ZNFX1: variants seen among roughly 807,000 people sequenced by gnomAD.
ZNFX1 encodes the protein NFX1-type zinc finger-containing protein 1.
In ZNFX1, 78 loss-of-function variants were observed where a neutral mutation model predicts 179.8. The ratio of observed to expected loss-of-function variants is 0.43; its 90% CI spans 0.36 to 0.52. The LOEUF (loss-of-function observed/expected upper bound fraction) is 0.52, where lower values mean the gene tolerates loss of function less well. Ranked by LOEUF, ZNFX1 falls within the 20% of genes least tolerant of loss-of-function variation. The pLI is 0.00. For synonymous variants in ZNFX1, 848 were observed against 868.5 expected (o/e 0.98, Z 0.42); for missense variants, 1,927 against 2,386.6 (o/e 0.81, Z 4.01).
chr20:49,247,656 T>C lies in ZNFX1; in HGVS notation c.5368A>G (p.Ser1790Gly), dbSNP rs1980713056. Residue 1790 changes from serine (S) to glycine (G), a missense_variant, in exon 14 of 14, where the codon AGT (serine) becomes GGT (glycine). By Grantham distance (56) the Ser-to-Gly change is moderately conservative. Coordinates refer to ENST00000396105, the MANE Select transcript of ZNFX1 (RefSeq NM_021035.3). ...VKDSIAVEVYSVQNILEKTCK... is the reference protein window; with the variant it reads ...VKDSIAVEVYGVQNILEKTCK... Reference sequence around the variant, plus strand: ...GTTTTCTCAAGGATATTCTGGACACTATAGACCTCTACTGCTATGCTATCT... The same window carrying C: ...GTTTTCTCAAGGATATTCTGGACACCATAGACCTCTACTGCTATGCTATCT... The C allele has an allele frequency of 1.2e-6, 2 of 1,614,126 alleles. No individual in the cohort carries two copies. The highest frequency in any genetic ancestry group is 1.3e-5 in the African/African-American group (1 of 74,946).
At chr20:49,260,347 C>T in intron 7 of ZNFX1, 116 bp downstream of exon 7, 3 of 495,334 alleles carry the variant, frequency 6.1e-6, no homozygotes, top group Non-Finnish European at 1.0e-5. Flanking sequence ...ATTTGTCTTT[C>T]TCTGATTGAC....
At chr20:49,274,629 G>A (rs574330267) in intron 2 of ZNFX1, among the ~76,000 whole-genome samples, 1 of 152,200 alleles carries the variant, frequency 6.6e-6, no homozygotes, top group East Asian at 1.9e-4. Flanking sequence ...CATGGTGGCA[G>A]GCACCTGTAA....
At chr20:49,263,289 T>C (rs781097321) in intron 6 of ZNFX1, 45 bp downstream of exon 6, 2 of 1,600,532 alleles carry the variant, frequency 1.2e-6, no homozygotes, top group Non-Finnish European at 8.5e-7. Context: ...TACCTCAAAG[T>C]ACTGAGGCCA....
intron 1 of ZNFX1, 29 bp from the exon 2 acceptor site, chr20:49,275,916 G>A (rs1241405020): frequency 2.5e-5 from 37 of 1,495,872 alleles, no homozygotes; most frequent in South Asian, 3.4e-5. Flanking sequence ...CAGTGTCCTC[G>A]AAACATAGCA....
At chr20:49,262,472 A>G (rs758185981) in intron 6 of ZNFX1, among the ~76,000 whole-genome samples, 11 of 152,116 alleles carry the variant, frequency 7.2e-5, no homozygotes, top group Non-Finnish European at 1.5e-4. Context: ...TTTTGACAAA[A>G]TCAGGAGCTA....
intron 6 of ZNFX1, among the ~76,000 whole-genome samples, chr20:49,262,500 T>TGGCA (rs751824841): frequency 1.2e-4 from 19 of 152,158 alleles, no homozygotes; most frequent in Non-Finnish European, 2.4e-4. Context: ...AATGACTGTT[T>TGGCA]ATTACTGAAT....
In ZNFX1 at chr20:49,263,342, G is replaced by C. The variant is rs1349953958; in HGVS notation, c.2293C>G (p.Pro765Ala). The change falls in exon 6 of 14, where the codon CCA (proline) becomes GCA (alanine). Residue 765 changes from proline (P) to alanine (A), a missense_variant. Physicochemically the swap from Pro to Ala is conservative, Grantham distance 27. Coordinates refer to ENST00000396105, the MANE Select transcript of ZNFX1 (RefSeq NM_021035.3). ...PQHWESLMNG[P>A]VQDSEWICFQ... The stretch of plus-strand genomic sequence containing the variant: ...CCCAGGATGACCCCTACCTGCACTG[G>C]TCCATTCATGAGACTTTCCCAGTGC... The C allele has an allele frequency of 4.5e-5, 72 of 1,613,136 alleles. No individual in the cohort carries two copies. The highest frequency in any genetic ancestry group is 5.8e-5 in the Non-Finnish European group (69 of 1,180,018).
At chr20:49,262,427 A>G (rs866141563) in intron 6 of ZNFX1, among the ~76,000 whole-genome samples, 26 of 144,032 alleles carry the variant, frequency 1.8e-4, no homozygotes, top group African/African-American at 5.0e-4. Context: ...AAAAAGAAGA[A>G]AAAAAAAAAA....
At position 49,249,478 on chromosome 20, in the gene ZNFX1, A is replaced by G. The variant is rs570053296; in HGVS notation, c.3546T>C (p.His1182=). ...CTTCCCCTTGGTATTTGTCCACAAC[A>G]TGGACCCTGACGCCAGCAAATGTCT... The part of the protein sequence containing the change: ...PAKTFAGVRV[H]VVDKYQGEEN... Residue 1182 remains histidine, a synonymous_variant, in exon 14 of 14, where the codon CAT becomes CAC. Coordinates refer to ENST00000396105, the MANE Select transcript of ZNFX1 (RefSeq NM_021035.3). 18 of 1,614,252 alleles carry G rather than the reference A, an allele frequency of 1.1e-5. No homozygotes were observed. In the African/African-American group the frequency reaches 1.9e-4, roughly 17 times the overall value.
intron 1 of ZNFX1, among the ~76,000 whole-genome samples, chr20:49,276,930 G>A (rs1360249902): frequency 6.6e-6 from 1 of 151,960 alleles, no homozygotes. Context: ...AATTCTCCGA[G>A]GGGAAAATTC....
rs951032824 is a variant in ZNFX1, at chr20:49,246,538, T to C, written c.*729A>G. 1 of 210,220 alleles carries C rather than the reference T, an allele frequency of 4.8e-6. No homozygotes were observed. Among genetic ancestry groups the C allele is most frequent in the Non-Finnish European group, 9.7e-6 (1 of 102,808 alleles). 13.0% of individuals were successfully genotyped at this position (210,220 alleles called of 1,614,324 possible). A position where few individuals can be genotyped will look rare whatever the true frequency, so the allele number is the denominator to read the frequency against. On this transcript the variant is annotated 3_prime_UTR_variant, in exon 14 of 14. Transcript: ENST00000396105. The stretch of plus-strand genomic sequence containing the variant: ...CAGTTCATAAACAACTATGGGCCTC[T>C]GTTTATTATGAGAGTTAGTCTGCAA...
chr20:49,263,474 G>A lies in ZNFX1; in HGVS notation c.2161C>T (p.Gln721Ter). 6.3e-7 allele frequency: 1 copy of A among 1,583,328 alleles called. No individual in the cohort carries two copies. The highest frequency in any genetic ancestry group is 1.1e-5 in the South Asian group (1 of 87,514). The part of the protein sequence containing the change: ...LRRAYMSIMT[Q>*]MKESEQELHE... ...AGCTCTTGCTCTGACTCCTTCATCT[G>A]TGTCATGATCTTCCAAGAACAGAGG... is the stretch of plus-strand genomic sequence containing the variant. The change falls in exon 6 of 14, where the codon CAG becomes TAG. Residue 721 changes from glutamine (Q) to a stop codon, truncating the protein, a stop_gained. Coordinates refer to ENST00000396105, the MANE Select transcript of ZNFX1 (RefSeq NM_021035.3). LOFTEE classifies it high-confidence loss of function.
rs1981386784 is a variant in ZNFX1 at position 49,271,313 on chromosome 20, T to C, written c.499A>G (p.Ser167Gly). The C allele has an allele frequency of 3.7e-6, 6 of 1,614,046 alleles. No homozygotes were observed. Among genetic ancestry groups the C allele is most frequent in the Non-Finnish European group, 5.1e-6 (6 of 1,180,038 alleles). The change falls in exon 3 of 14, where the codon AGT becomes GGT. Residue 167 changes from serine (S) to glycine (G), a missense_variant. By Grantham distance (56) the Ser-to-Gly change is moderately conservative. Coordinates refer to ENST00000396105, the MANE Select transcript of ZNFX1 (RefSeq NM_021035.3). ...GAAAGGAGCTCTTTCAGCCCTAAAC[T>C]TGTGGCAAGTGTGATGACCACCTCA... ...PSEVVITLATSLGLKELLSHS... is the reference protein window; with the variant it reads ...PSEVVITLATGLGLKELLSHS...
intron 2 of ZNFX1, among the ~76,000 whole-genome samples, chr20:49,274,130 G>C (rs1273631745): frequency 1.3e-5 from 2 of 152,138 alleles, no homozygotes; most frequent in Non-Finnish European, 2.9e-5. Context: ...ATTTAGCTTT[G>C]GTGACTAGGA....
Position 49,246,871 on chromosome 20 carries a change from G to A in ZNFX1, c.*396C>T. The A allele has an allele frequency of 2.8e-6, 1 of 362,702 alleles. No homozygotes were observed. Among genetic ancestry groups the A allele is most frequent in the Non-Finnish European group, 5.5e-6 (1 of 181,144 alleles). The allele number at this position is 362,702 out of a possible 1,614,324, so 22.5% of individuals were successfully genotyped here. The stretch of plus-strand genomic sequence containing the variant: ...AGTAGGTGCTAAGACTAAAAAGAAT[G>A]ATTTTTTTTTTTTTGAGACAGAGTC... On this transcript the variant is annotated 3_prime_UTR_variant, in exon 14 of 14. Transcript: ENST00000396105.
rs10695260 is a variant in ZNFX1 at position 49,267,477 on chromosome 20, GTT to G, written c.1871-1213_1871-1212del. 5.0e-5 allele frequency among the ~76,000 whole-genome samples: 7 copies of G among 140,992 alleles called. No individual in the cohort carries two copies. The East Asian group carries it at 6.2e-4, about 13-fold the overall frequency. The allele number at this position is 140,992 out of a possible 152,430, so 92.5% of individuals were successfully genotyped here. A position where few individuals can be genotyped will look rare whatever the true frequency, so the allele number is the denominator to read the frequency against. ...AAGACGTCCAGCTTTGTTACATAAA[GTT>G]TTTTTTTTTTTTTTTTAAATCATGA... On this transcript the variant is annotated intron_variant, in intron 3 of 13. Coordinates refer to ENST00000396105, the MANE Select transcript of ZNFX1 (RefSeq NM_021035.3).
intron 10 of ZNFX1, 43 bp from the exon 11 acceptor site, chr20:49,253,854 A>C (rs1289200575): frequency 3.7e-6 from 6 of 1,606,882 alleles, no homozygotes; most frequent in Non-Finnish European, 4.2e-6. Flanking sequence ...GAGCTGAGGC[A>C]CAGGACCCAC....
At chr20:49,266,675 C>G (rs1039375152) in intron 3 of ZNFX1, among the ~76,000 whole-genome samples, 12 of 145,006 alleles carry the variant, frequency 8.3e-5, no homozygotes, top group African/African-American at 2.5e-5. Context: ...CCCACCCCCC[C>G]CTTTCCTTTT....
rs1219552985 is a variant in ZNFX1, at chr20:49,270,653, C to G, written c.1159G>C (p.Gly387Arg). Residue 387 changes from glycine to arginine, a missense_variant, in exon 3 of 14, where the codon GGT becomes CGT. Gly to Arg is a moderately radical substitution (Grantham distance 125). Coordinates refer to ENST00000396105, the MANE Select transcript of ZNFX1 (RefSeq NM_021035.3). The surrounding 1 kb of genome is among the most constrained non-coding windows in gnomAD (Gnocchi z 4.6). ...REDFVRPLREGILELLQSFED... is the reference protein window; with the variant it reads ...REDFVRPLRERILELLQSFED... Reference sequence around the variant, plus strand: ...AAGCTTTGGAGAAGTTCCAAAATACCTTCCCGTAAAGGTCTGACGAAATCT... The same window carrying G: ...AAGCTTTGGAGAAGTTCCAAAATACGTTCCCGTAAAGGTCTGACGAAATCT... The G allele has an allele frequency of 6.2e-7, 1 of 1,614,156 alleles. No homozygotes were observed. Among genetic ancestry groups the G allele is most frequent in the Non-Finnish European group, 8.5e-7 (1 of 1,180,022 alleles).
Sources: allele counts gnomAD v4.1 joint callset (sites outside exome capture counted in the v4.1 genomes callset), GRCh38; gene constraint gnomAD v4.1.1; non-coding constraint Gnocchi (gnomAD v3.1); transcripts MANE v1.5; gene names NCBI Gene and HGNC (gene_info 2026-07-23, HGNC 2026-07-21).